The following ABCA10 variants were observed in gnomAD, a reference collection of about 807,000 sequenced individuals.
The protein encoded by ABCA10 is ATP binding cassette subfamily A member 10.
Under a neutral mutation model 187.5 loss-of-function variants are expected in ABCA10, and 169 were observed. The ratio of observed to expected loss-of-function variants is 0.90; its 90% CI spans 0.80 to 1.02. ABCA10 has a LOEUF of 1.02. Ranked by LOEUF, ABCA10 falls within the 50% of genes least tolerant of loss-of-function variation. The probability of loss-of-function intolerance (pLI) is 0.00; values close to 1 mark genes in which losing one functional copy is unlikely to be tolerated. For missense variants in ABCA10, 1,727 were observed against 1,812.4 expected (o/e 0.95, Z 0.86); for synonymous variants, 574 against 601.8 (o/e 0.95, Z 0.68).
chr17:69,236,925 C>G (rs965659849), intron 1 of ABCA10, among the ~76,000 whole-genome samples: 2 of 152,138 alleles, frequency 1.3e-5, no homozygotes, highest in African/African-American at 4.8e-5. Flanking sequence ...TTAAGATACC[C>G]TGTATTAAAC....
At chr17:69,222,433 A>T in intron 4 of ABCA10, 100 bp downstream of exon 4, 1 of 1,013,578 alleles carries the variant, frequency 9.9e-7, no homozygotes, top group Non-Finnish European at 1.4e-6. Flanking sequence ...AATGTATATT[A>T]ATTCTTTACT....
rs572302012 is a variant in ABCA10 at position 69,149,311 on chromosome 17, T to C, written c.4478-223A>G. 62 of 523,674 alleles carry C rather than the reference T, an allele frequency of 1.2e-4. 1 individual carries two copies. The Admixed American group carries it at 1.7e-3, about 14-fold the overall frequency. 32.4% of individuals were successfully genotyped at this position (523,674 alleles called of 1,614,324 possible). ...TATAAACTCGAAAAAGCTCCTTGTG[T>C]CCTATTTTAGTATTATCCTTTTGAT... On this transcript the variant is annotated intron_variant, in intron 37 of 38. Coordinates refer to ENST00000690296, the MANE Select transcript of ABCA10 (RefSeq NM_001377321.1).
chr17:69,215,761 A>G, intron 8 of ABCA10, 54 bp downstream of exon 8: 3 of 1,363,798 alleles, frequency 2.2e-6, no homozygotes, highest in Non-Finnish European at 2.9e-6. Context: ...ATTCTTGAAT[A>G]AGAACATATT....
At chr17:69,193,057 C>T (rs2074472907) in intron 15 of ABCA10, 53 bp downstream of exon 15, 2 of 1,532,308 alleles carry the variant, frequency 1.3e-6, no homozygotes, top group South Asian at 1.3e-5. Flanking sequence ...TGAAAAATAA[C>T]TCTCATGTTA....
intron 25 of ABCA10, among the ~76,000 whole-genome samples, chr17:69,168,519 T>C (rs930603071): frequency 3.3e-5 from 5 of 152,216 alleles, no homozygotes; most frequent in African/African-American, 1.2e-4. Flanking sequence ...TATTTCTCTG[T>C]TTTTATTCAC....
rs1568069864 is a variant in ABCA10, at chr17:69,210,839, T to TATATATATATATATATATATA, written c.1006+3864_1006+3865insTATATATATATATATATATAT. 2.6e-4 allele frequency among the ~76,000 whole-genome samples: 8 copies of TATATATATATATATATATATA among 31,118 alleles called. 1 individual carries two copies. Among genetic ancestry groups the TATATATATATATATATATATA allele is most frequent in the Admixed American group, 6.7e-4 (2 of 2,966 alleles). The allele number at this position is 31,118 out of a possible 152,430, so 20.4% of individuals were successfully genotyped here. A position where few individuals can be genotyped will look rare whatever the true frequency, so the allele number is the denominator to read the frequency against. On this transcript the variant is annotated intron_variant, in intron 9 of 38. Coordinates refer to ENST00000690296, the MANE Select transcript of ABCA10 (RefSeq NM_001377321.1). ...ATACATATATATATATGCCACATAT[T>TATATATATATATATATATATA]TATGCCACATATATATATATATATA...
At chr17:69,193,036 A>C (rs1268665158) in intron 15 of ABCA10, 74 bp downstream of exon 15, 1 of 1,508,602 alleles carries the variant, frequency 6.6e-7, no homozygotes, top group African/African-American at 1.4e-5. Context: ...TCTTCTTTTG[A>C]AAACAGGCTA....
At chr17:69,196,035 G>A (rs1258716631) in intron 11 of ABCA10, among the ~76,000 whole-genome samples, 10 of 152,250 alleles carry the variant, frequency 6.6e-5, no homozygotes, top group South Asian at 4.2e-4. Flanking sequence ...GGACAAAACC[G>A]CCATCATCAT....
chr17:69,158,828 G>T (rs1452605663), intron 27 of ABCA10, among the ~76,000 whole-genome samples: 1 of 151,986 alleles, frequency 6.6e-6, no homozygotes, highest in Non-Finnish European at 1.5e-5. Flanking sequence ...TCCTGACACT[G>T]ATGTAAACAA....
chr17:69,186,109 T>C (rs1355645702), intron 19 of ABCA10, among the ~76,000 whole-genome samples: 2 of 152,192 alleles, frequency 1.3e-5, no homozygotes, highest in African/African-American at 4.8e-5. Flanking sequence ...AATGCAATAT[T>C]TAAAACACTA....
upstream of ABCA10, among the ~76,000 whole-genome samples, chr17:69,230,159 AC>A (rs899492504): frequency 3.9e-5 from 6 of 151,946 alleles, no homozygotes; most frequent in Admixed American, 2.6e-4. Flanking sequence ...ACATGCTTCC[AC>A]CTTTCACCTT....
chr17:69,165,858 T>C (rs1478187657), intron 25 of ABCA10, among the ~76,000 whole-genome samples: 3 of 152,188 alleles, frequency 2.0e-5, no homozygotes, highest in Non-Finnish European at 4.4e-5. Context: ...AGGTATATCA[T>C]GAATGCATAA....
In ABCA10 at chr17:69,215,797, A is replaced by G; in HGVS notation, c.858+18T>C. ...TTGAAAATCTAATAATAAAATCTTG[A>G]AATAATTATGTTCTTACCTGGGCCA... is the stretch of plus-strand genomic sequence containing the variant. On this transcript the variant is annotated intron_variant, in intron 8 of 38. Transcript: ENST00000690296. 6.9e-7 allele frequency: 1 copy of G among 1,447,660 alleles called. No individual in the cohort carries two copies. Among genetic ancestry groups the G allele is most frequent in the Non-Finnish European group, 9.1e-7 (1 of 1,098,074 alleles). The allele number at this position is 1,447,660 out of a possible 1,614,324, so 89.7% of individuals were successfully genotyped here.
chr17:69,201,675 A>G lies in ABCA10; in HGVS notation c.1007-7T>C. ...TCCCCATGGCCATCTTTATCTAATT[A>G]ATTAAGATACAATTACATATTGCAT... On this transcript the variant is annotated splice_polypyrimidine_tract_variant and splice_region_variant and intron_variant, in intron 9 of 38. Transcript: ENST00000690296. 1 of 1,587,580 alleles carries G rather than the reference A, an allele frequency of 6.3e-7. No individual in the cohort carries two copies. The highest frequency in any genetic ancestry group is 8.6e-7 in the Non-Finnish European group (1 of 1,167,294).
At chr17:69,214,647 C>T in intron 9 of ABCA10, 57 bp downstream of exon 9, 2 of 1,318,970 alleles carry the variant, frequency 1.5e-6, no homozygotes, top group Admixed American at 2.9e-5. Context: ...GATATTAATA[C>T]ATGTTTTAAG....
chr17:69,177,595 A>G (rs1336252760), intron 22 of ABCA10, among the ~76,000 whole-genome samples: 1 of 152,136 alleles, frequency 6.6e-6, no homozygotes, highest in East Asian at 1.9e-4. Flanking sequence ...TACGTTCCTT[A>G]GTATATTTCT....
intron 5 of ABCA10, among the ~76,000 whole-genome samples, chr17:69,219,997 C>T (rs952199536): frequency 6.6e-5 from 10 of 152,102 alleles, no homozygotes; most frequent in Non-Finnish European, 1.0e-4. Context: ...TACTGTGCTA[C>T]GTAATGGGGA....
chr17:69,177,192 C>A (rs2074340789), intron 22 of ABCA10, among the ~76,000 whole-genome samples: 1 of 152,206 alleles, frequency 6.6e-6, no homozygotes, highest in Non-Finnish European at 1.5e-5. Flanking sequence ...TCCAAATAAA[C>A]TTTCCTTTTC....
intron 3 of ABCA10, among the ~76,000 whole-genome samples, chr17:69,224,715 C>G (rs1317660120): frequency 2.7e-5 from 4 of 148,428 alleles, no homozygotes; most frequent in Non-Finnish European, 5.9e-5. Context: ...CCTCACTACT[C>G]TAAGATCAAG....
Sources: allele counts gnomAD v4.1 joint callset (sites outside exome capture counted in the v4.1 genomes callset), GRCh38; gene constraint gnomAD v4.1.1; transcripts MANE v1.5; gene names NCBI Gene and HGNC (gene_info 2026-07-23, HGNC 2026-07-21).